The following FAM13B variants were observed in gnomAD, a reference collection of about 807,000 sequenced individuals.
FAM13B encodes the protein family with sequence similarity 13 member B.
Under a neutral mutation model 117.3 loss-of-function variants are expected in FAM13B, and 60 were observed. The observed-to-expected ratio is 0.51, with a 90% CI of 0.42 to 0.63. The LOEUF (loss-of-function observed/expected upper bound fraction) is 0.63. Ranked by LOEUF, FAM13B falls within the 30% of genes least tolerant of loss-of-function variation. The pLI is 0.00. For missense variants in FAM13B, 972 were observed against 1,091.9 expected, an observed-to-expected ratio of 0.89 and a Z score of 1.55; for synonymous variants, 332 against 356.1, an observed-to-expected ratio of 0.93 and a Z score of 0.76.
chr5:138,050,566 A>G (rs1791773433), intron 1 of FAM13B, among the ~76,000 whole-genome samples: 1 of 152,230 alleles, frequency 6.6e-6, no homozygotes, highest in Non-Finnish European at 1.5e-5. Context: ...CGGAGATACT[A>G]CAACTCAGAG....
rs373460054 is a variant in FAM13B at position 137,940,151 on chromosome 5, C to T, written c.*74G>A. 1.9e-6 allele frequency: 3 copies of T among 1,613,380 alleles called. No homozygotes were observed. Among genetic ancestry groups the T allele is most frequent in the East Asian group, 2.2e-5 (1 of 44,860 alleles). ...GTGCCTGACAAAACGAATTTAAGTA[C>T]CAGCCAAGTACACACGATGATAGCT... On this transcript the variant is annotated 3_prime_UTR_variant, in exon 24 of 24. Coordinates refer to ENST00000689681, the MANE Select transcript of FAM13B (RefSeq NM_001385994.1).
intron 7 of FAM13B, among the ~76,000 whole-genome samples, chr5:137,998,948 C>T (rs1236266804): frequency 6.6e-6 from 1 of 152,170 alleles, no homozygotes; most frequent in African/African-American, 2.4e-5. Context: ...CAGAGCCATA[C>T]CTAAAGTGGC....
chr5:137,993,579 G>A (rs576300395), intron 7 of FAM13B, among the ~76,000 whole-genome samples: 11 of 151,820 alleles, frequency 7.2e-5, no homozygotes, highest in African/African-American at 2.4e-4. Context: ...TCAAGAGTTC[G>A]AGAGCAGCCG....
rs1449154772 is a variant in FAM13B at position 137,938,752 on chromosome 5, C to A, written c.*1473G>T. On this transcript the variant is annotated 3_prime_UTR_variant, in exon 24 of 24. Transcript: ENST00000689681. ...TCATGTGCTTACTATGTAATAGTGC[C>A]AGAAGTCTGAGGTTCATGCTTCCCT... 1 of 152,328 alleles carries A rather than the reference C, an allele frequency of 6.6e-6. No individual in the cohort carries two copies. The highest frequency in any genetic ancestry group is 1.5e-5 in the Non-Finnish European group (1 of 67,998). The allele number at this position is 152,328 out of a possible 1,614,324, so 9.4% of individuals were successfully genotyped here. A position where few individuals can be genotyped will look rare whatever the true frequency, so the allele number is the denominator to read the frequency against.
chr5:138,038,586 G>A (rs1218969776), intron 1 of FAM13B: 1 of 152,172 alleles, frequency 6.6e-6, no homozygotes, highest in African/African-American at 2.4e-5. Context: ...ATGTATTGCT[G>A]GCTCTTCCAA....
intron 1 of FAM13B, among the ~76,000 whole-genome samples, chr5:138,029,218 A>G (rs1344721083): frequency 6.6e-6 from 1 of 152,174 alleles, no homozygotes; most frequent in Non-Finnish European, 1.5e-5. Context: ...AAGCTCAGAG[A>G]GCTGAAGAAA....
chr5:137,960,092 C>T, intron 12 of FAM13B, 74 bp downstream of exon 12: 1 of 898,978 alleles, frequency 1.1e-6, no homozygotes, highest in Non-Finnish European at 1.8e-6. Flanking sequence ...CTAGCTAACC[C>T]ACATTAAAGA....
rs1760857208 is a variant in FAM13B at position 137,938,787 on chromosome 5, A to G, written c.*1438T>C. On this transcript the variant is annotated 3_prime_UTR_variant, in exon 24 of 24. Transcript: ENST00000689681. ...AGGTTCATGCTTCCCTCACCTTATTAAAGGATGTTGCAAAATTCCATTTTT... is the reference window on the plus strand; with the variant it reads ...AGGTTCATGCTTCCCTCACCTTATTGAAGGATGTTGCAAAATTCCATTTTT... 1 of 152,596 alleles carries G rather than the reference A, an allele frequency of 6.6e-6. No homozygotes were observed. Among genetic ancestry groups the G allele is most frequent in the Admixed American group, 6.5e-5 (1 of 15,280 alleles). The allele number at this position is 152,596 out of a possible 1,614,324, so 9.5% of individuals were successfully genotyped here. A position where few individuals can be genotyped will look rare whatever the true frequency, so the allele number is the denominator to read the frequency against.
intron 10 of FAM13B, among the ~76,000 whole-genome samples, chr5:137,977,265 T>C (rs1201541367): frequency 6.6e-6 from 1 of 152,192 alleles, no homozygotes; most frequent in Non-Finnish European, 1.5e-5. Context: ...ATGTTATCAA[T>C]GACAACGTGT....
chr5:138,020,331 T>C (rs1786397601), intron 2 of FAM13B, among the ~76,000 whole-genome samples: 1 of 152,210 alleles, frequency 6.6e-6, no homozygotes. Flanking sequence ...AGCGCTGGGA[T>C]TATAGGCACA....
intron 9 of FAM13B, 94 bp from the exon 10 acceptor site, chr5:137,985,483 T>G: frequency 2.4e-6 from 3 of 1,237,352 alleles, no homozygotes; most frequent in Non-Finnish European, 3.4e-6. Context: ...GATCTGAAAC[T>G]TTTACTTGTT....
chr5:137,954,525 T>C (rs71587262), intron 14 of FAM13B, 149 bp from the exon 15 acceptor site: 77 of 372,050 alleles, frequency 2.1e-4, no homozygotes, highest in African/African-American at 9.4e-4. Flanking sequence ...CACACACACA[T>C]ACATGTGTGT....
chr5:137,969,461 C>T (rs1042587701), intron 10 of FAM13B, among the ~76,000 whole-genome samples: 1 of 152,330 alleles, frequency 6.6e-6, no homozygotes, highest in Non-Finnish European at 1.5e-5. Flanking sequence ...CCCATCTGTA[C>T]ATCACCATCA....
At chr5:137,957,153 A>T (rs551059427) in intron 13 of FAM13B, among the ~76,000 whole-genome samples, 1 of 152,280 alleles carries the variant, frequency 6.6e-6, no homozygotes, top group South Asian at 2.1e-4. Flanking sequence ...CTTCTCTACA[A>T]AGAGTCACAT....
intron 2 of FAM13B, among the ~76,000 whole-genome samples, chr5:138,019,384 T>C (rs568836213): frequency 2.8e-4 from 42 of 152,348 alleles, no homozygotes; most frequent in Admixed American, 5.9e-4. Context: ...TATCAAACAA[T>C]AGCAAAGTTA....
In FAM13B at chr5:137,970,640, G is replaced by A. The variant is rs550936390; in HGVS notation, c.1180-8171C>T. Among the ~76,000 whole-genome samples the A allele has an allele frequency of 2.0e-5, 3 of 152,198 alleles. No individual in the cohort carries two copies. The South Asian group carries it at 6.2e-4, about 32-fold the overall frequency. ...AACTTTAAATGTAAATGGGCTAAAT[G>A]CTCCAATTAAAGGGCACAGACTGGC... On this transcript the variant is annotated intron_variant, in intron 10 of 23. Coordinates refer to ENST00000689681, the MANE Select transcript of FAM13B (RefSeq NM_001385994.1).
At chr5:137,953,920 C>T (rs1234957479) in intron 15 of FAM13B, among the ~76,000 whole-genome samples, 1 of 152,054 alleles carries the variant, frequency 6.6e-6, no homozygotes, top group Non-Finnish European at 1.5e-5. Context: ...TGAGAGCAAA[C>T]TTCAAACGCT....
At chr5:137,994,326 T>C (rs1301411779) in intron 7 of FAM13B, among the ~76,000 whole-genome samples, 1 of 152,232 alleles carries the variant, frequency 6.6e-6, no homozygotes. Flanking sequence ...AAATGAATTG[T>C]ACAACTTTGT....
chr5:137,958,675 T>C (rs934972769), intron 13 of FAM13B, among the ~76,000 whole-genome samples: 1 of 152,354 alleles, frequency 6.6e-6, no homozygotes, highest in South Asian at 2.1e-4. Context: ...TACCAAAGTG[T>C]ATGATCCAGA....
Sources: allele counts gnomAD v4.1 joint callset (sites outside exome capture counted in the v4.1 genomes callset), GRCh38; gene constraint gnomAD v4.1.1; transcripts MANE v1.5; gene names NCBI Gene and HGNC (gene_info 2026-07-23, HGNC 2026-07-21).